The following PTPRE variants were observed in gnomAD, a reference collection of about 807,000 sequenced individuals.
The protein encoded by PTPRE is receptor-type tyrosine-protein phosphatase epsilon.
In PTPRE, 51 loss-of-function variants were observed where a neutral mutation model predicts 102.0. The observed-to-expected ratio is 0.50, with a 90% CI of 0.40 to 0.63. The LOEUF (loss-of-function observed/expected upper bound fraction) is 0.63. Among genes scored for constraint, PTPRE ranks in the 30% least tolerant of loss-of-function variants. PTPRE has a pLI of 0.00. For synonymous variants in PTPRE, 345 were observed against 348.2 expected (o/e 0.99, Z 0.10); for missense variants, 752 against 915.1 (o/e 0.82, Z 2.30).
chr10:127,967,312 A>G (rs1850331043), intron 1 of PTPRE, among the ~76,000 whole-genome samples: 1 of 152,160 alleles, frequency 6.6e-6, no homozygotes, highest in Non-Finnish European at 1.5e-5. Flanking sequence ...CCCCACCCAA[A>G]TCTCATCTTG....
intron 15 of PTPRE, 159 bp downstream of exon 15, chr10:128,071,060 T>C (rs746401008): frequency 5.9e-6 from 4 of 681,648 alleles, no homozygotes; most frequent in African/African-American, 1.8e-5. Flanking sequence ...CTGTACCAAA[T>C]GTCAGGTAGA....
intron 1 of PTPRE, among the ~76,000 whole-genome samples, chr10:127,980,828 T>C (rs1457955973): frequency 6.6e-6 from 1 of 152,194 alleles, no homozygotes; most frequent in African/African-American, 2.4e-5. Context: ...ATTTAAAATA[T>C]CTAGTTTTGT....
At chr10:127,919,170 A>C (rs752089230) in intron 1 of PTPRE, among the ~76,000 whole-genome samples, 2 of 152,196 alleles carry the variant, frequency 1.3e-5, no homozygotes, top group African/African-American at 2.4e-5. Flanking sequence ...ACACTGAAGG[A>C]CCAGCCCTTC....
Position 128,070,913 on chromosome 10 carries a change from G to A in PTPRE, c.1387+12G>A, listed in dbSNP as rs751385503. The A allele has an allele frequency of 1.8e-5, 29 of 1,610,326 alleles. No homozygotes were observed. The highest frequency in any genetic ancestry group is 4.5e-5 in the East Asian group (2 of 44,866). On this transcript the variant is annotated intron_variant, in intron 15 of 20. Transcript: ENST00000254667. The surrounding 1 kb of genome is among the most constrained non-coding windows in gnomAD (Gnocchi z 4.8). ...CCAGATCATCCCGTGTAAGGCACCCGTGGCGTGGCTTGGGCAGGGCTGGGG... is the reference window on the plus strand; with the variant it reads ...CCAGATCATCCCGTGTAAGGCACCCATGGCGTGGCTTGGGCAGGGCTGGGG...
intron 4 of PTPRE, 40 bp from the exon 5 acceptor site, chr10:128,047,724 C>A (rs770615630): frequency 1.2e-6 from 2 of 1,613,592 alleles, no homozygotes; most frequent in Non-Finnish European, 1.7e-6. Flanking sequence ...TCTCGGGGAA[C>A]CTAGAAGTGT....
At chr10:128,074,811 ACTGTT>A (rs1296170080) in intron 17 of PTPRE, among the ~76,000 whole-genome samples, 1 of 152,202 alleles carries the variant, frequency 6.6e-6, no homozygotes, top group African/African-American at 2.4e-5. Flanking sequence ...TCATAAACTT[ACTGTT>A]TAACATTTTT....
At chr10:128,049,783 C>T in intron 6 of PTPRE, 117 bp downstream of exon 6, 2 of 1,452,020 alleles carry the variant, frequency 1.4e-6, no homozygotes, top group Non-Finnish European at 9.3e-7. Context: ...AGTTATGACA[C>T]TGTCCCATGA....
At chr10:127,969,854 A>C (rs1025724210) in intron 1 of PTPRE, among the ~76,000 whole-genome samples, 1 of 152,060 alleles carries the variant, frequency 6.6e-6, no homozygotes, top group African/African-American at 2.4e-5. Context: ...GCACTTCATG[A>C]AGGAGGCTGT....
intron 2 of PTPRE, among the ~76,000 whole-genome samples, chr10:128,030,403 G>T (rs1047385315): frequency 6.6e-6 from 1 of 152,000 alleles, no homozygotes; most frequent in African/African-American, 2.4e-5. Flanking sequence ...AGGGGAAAGA[G>T]AGAGAGAGAG....
Position 128,085,787 on chromosome 10 carries a change from T to C in PTPRE, c.*2881T>C, listed in dbSNP as rs1852040103. ...ATAATGCCAGTGAATGTTGCTGAACTCTTTGTATATGCAAATTGCAAGATT... is the reference window on the plus strand; with the variant it reads ...ATAATGCCAGTGAATGTTGCTGAACCCTTTGTATATGCAAATTGCAAGATT... On this transcript the variant is annotated 3_prime_UTR_variant, in exon 21 of 21. Coordinates refer to ENST00000254667, the MANE Select transcript of PTPRE (RefSeq NM_006504.6). The C allele has an allele frequency of 6.6e-6, 1 of 151,982 alleles. No homozygotes were observed. Among genetic ancestry groups the C allele is most frequent in the Non-Finnish European group, 1.5e-5 (1 of 67,990 alleles). 9.4% of individuals were successfully genotyped at this position (151,982 alleles called of 1,614,324 possible).
rs200411256 is a variant in PTPRE, at chr10:128,055,702, TGTAAACC to T, written c.421-420_421-414del. On this transcript the variant is annotated intron_variant, in intron 6 of 20. Transcript: ENST00000254667. ...CAGCCCCAAAGTCACAGCATCCCGC[TGTAAACC>T]CTCCGCATGCCTGTCCTCGCTCCCC... Among the ~76,000 whole-genome samples the T allele has an allele frequency of 7.7e-4, 117 of 152,300 alleles. No homozygotes were observed. The East Asian group carries it at 0.017, about 22-fold the overall frequency.
At chr10:127,951,000 G>A (rs1589814163) in intron 1 of PTPRE, among the ~76,000 whole-genome samples, 1 of 152,080 alleles carries the variant, frequency 6.6e-6, no homozygotes, top group Non-Finnish European at 1.5e-5. Context: ...GAGAGGCTGA[G>A]GCAGGAGAAT....
rs988189416 is a variant in PTPRE at position 128,070,223 on chromosome 10, C to A, written c.1144-78C>A. 1 of 1,490,110 alleles carries A rather than the reference C, an allele frequency of 6.7e-7. No individual in the cohort carries two copies. 92.3% of individuals were successfully genotyped at this position (1,490,110 alleles called of 1,614,324 possible). ...AAGAGAAAAAGAAGAAAGCCGCCCT[C>A]TTTGGTCTGCCAAGCTCCACGTGGG... On this transcript the variant is annotated intron_variant, in intron 13 of 20. Transcript: ENST00000254667. The surrounding 1 kb of genome is among the most constrained non-coding windows in gnomAD (Gnocchi z 4.8).
intron 2 of PTPRE, among the ~76,000 whole-genome samples, chr10:128,004,142 A>G (rs143856150): frequency 4.1e-3 from 617 of 151,792 alleles, no homozygotes; most frequent in Middle Eastern, 0.02. Context: ...AACAAATGTT[A>G]GGTGTTAATA....
intron 1 of PTPRE, among the ~76,000 whole-genome samples, chr10:127,939,682 A>G (rs550213194): frequency 6.6e-6 from 1 of 152,322 alleles, no homozygotes; most frequent in South Asian, 2.1e-4. Flanking sequence ...TTTTAGGGCA[A>G]GTGGGCCCCA....
At chr10:127,949,850 C>A (rs1328948862) in intron 1 of PTPRE, among the ~76,000 whole-genome samples, 1 of 152,064 alleles carries the variant, frequency 6.6e-6, no homozygotes, top group African/African-American at 2.4e-5. Context: ...CGTGGGGAGA[C>A]CTTGATGAGG....
intron 11 of PTPRE, among the ~76,000 whole-genome samples, chr10:128,067,415 T>G (rs1261835514): frequency 6.7e-6 from 1 of 148,450 alleles, no homozygotes; most frequent in Non-Finnish European, 1.5e-5. Context: ...CGCACATGGG[T>G]GCACACGTGT....
intron 6 of PTPRE, among the ~76,000 whole-genome samples, chr10:128,054,548 G>T (rs61875294): frequency 0.17 from 25,133 of 151,820 alleles, 2,332 homozygotes; most frequent in Non-Finnish European, 0.22. Context: ...CCACAGTGCC[G>T]CCAGACAGGT....
At chr10:127,979,312 C>G (rs76859393) in intron 1 of PTPRE, among the ~76,000 whole-genome samples, 6,579 of 152,292 alleles carry the variant, frequency 0.043, 228 homozygotes, top group Admixed American at 0.091. Context: ...TTAAATGTGC[C>G]TCTTTCACAG....
Sources: allele counts gnomAD v4.1 joint callset (sites outside exome capture counted in the v4.1 genomes callset), GRCh38; gene constraint gnomAD v4.1.1; non-coding constraint Gnocchi (gnomAD v3.1); transcripts MANE v1.5; gene names NCBI Gene and HGNC (gene_info 2026-07-23, HGNC 2026-07-21).